The following SNED1 variants were observed in gnomAD, a reference collection of about 807,000 sequenced individuals.
SNED1 encodes the protein sushi, nidogen and EGF like domains 1.
In SNED1, 81 loss-of-function variants were observed where a neutral mutation model predicts 166.7. The ratio of observed to expected loss-of-function variants is 0.49; its 90% confidence interval spans 0.41 to 0.58. The LOEUF (loss-of-function observed/expected upper bound fraction) is 0.58, where lower values mean the gene tolerates loss of function less well. Among genes scored for constraint, SNED1 ranks in the 20% least tolerant of loss-of-function variants. The pLI, the probability that SNED1 is intolerant of heterozygous loss-of-function variation, is 0.00. For synonymous variants in SNED1, 762 were observed against 822.0 expected, an observed-to-expected ratio of 0.93 and a Z score of 1.25; for missense variants, 1,604 against 2,000.2, an observed-to-expected ratio of 0.80 and a Z score of 3.78.
In SNED1 at chr2:241,019,695, C is replaced by T. The variant is rs138357400; in HGVS notation, c.214-10589C>T. Among the ~76,000 whole-genome samples, 991 of 152,316 alleles carry T rather than the reference C, an allele frequency of 6.5e-3. 12 individuals are homozygous for T. The highest frequency in any genetic ancestry group is 0.021 in the African/African-American group (868 of 41,564). On this transcript the variant is annotated intron_variant, in intron 1 of 31. Transcript: ENST00000310397. ...GATCCAAGAGGCAGCGCGGTCCGAT[C>T]GGAGAGCACCCTTACCGTGGGCACC...
At chr2:241,078,499 A>T (rs1477153526) in intron 27 of SNED1, among the ~76,000 whole-genome samples, 1 of 151,880 alleles carries the variant, frequency 6.6e-6, no homozygotes, top group African/African-American at 2.4e-5. Context: ...TACAACATGG[A>T]TGAATCTTGA....
In SNED1 at chr2:241,093,430, T is replaced by C. The variant is rs1181754957; in HGVS notation, c.*1794T>C. ...TCAAGCCCCTCAGCCACACAGCAAATGCTAATATGCTCCAGTGTTAGCTTA... is the reference window on the plus strand; with the variant it reads ...TCAAGCCCCTCAGCCACACAGCAAACGCTAATATGCTCCAGTGTTAGCTTA... On this transcript the variant is annotated 3_prime_UTR_variant, in exon 32 of 32. Coordinates refer to ENST00000310397, the MANE Select transcript of SNED1 (RefSeq NM_001080437.3). 1 of 151,756 alleles carries C rather than the reference T, an allele frequency of 6.6e-6. No homozygotes were observed. Among genetic ancestry groups the C allele is most frequent in the African/African-American group, 2.5e-5 (1 of 40,786 alleles). 9.4% of individuals were successfully genotyped at this position (151,756 alleles called of 1,614,324 possible). A position where few individuals can be genotyped will look rare whatever the true frequency, so the allele number is the denominator to read the frequency against.
chr2:241,085,071 A>C (rs1462116659), intron 29 of SNED1, among the ~76,000 whole-genome samples: 1 of 151,248 alleles, frequency 6.6e-6, no homozygotes, highest in Non-Finnish European at 1.5e-5. Context: ...GTTTTTGGAC[A>C]ATTTAATTAT....
chr2:241,006,971 G>A (rs1026566844), intron 1 of SNED1, among the ~76,000 whole-genome samples: 1 of 152,178 alleles, frequency 6.6e-6, no homozygotes, highest in Non-Finnish European at 1.5e-5. Context: ...GGCAGTGTTT[G>A]GGACAATTGG....
rs115670411 is a variant in SNED1, at chr2:241,081,714, C to T, written c.3954C>T (p.Asn1318=). 6,492 of 1,609,464 alleles carry T rather than the reference C, an allele frequency of 4.0e-3. 18 individuals carry two copies. The highest frequency in any genetic ancestry group is 7.0e-3 in the Admixed American group (418 of 59,454). ...PGNCSENPCQ[N]GGTCVPGADA... Reference sequence around the variant, plus strand: ...ACTGTTCAGAAAACCCCTGTCAGAACGGAGGCACTTGTGTGCCGGGCGCAG... The same window carrying T: ...ACTGTTCAGAAAACCCCTGTCAGAATGGAGGCACTTGTGTGCCGGGCGCAG... The change falls in exon 28 of 32, where the codon AAC becomes AAT. Residue 1318 remains asparagine, a synonymous_variant. Transcript: ENST00000310397.
intron 1 of SNED1, among the ~76,000 whole-genome samples, chr2:241,000,665 A>G (rs1271725059): frequency 3.3e-5 from 5 of 152,266 alleles, no homozygotes; most frequent in Admixed American, 3.3e-4. Flanking sequence ...TGCCCTTGCC[A>G]GAGCAACTAG....
rs1575161901 is a variant in SNED1, at chr2:241,091,178, C to T, written c.*2-460C>T. ...TATTCTTGAAATAATGGAGACAACA[C>T]ACAAAAAAGCAGGAAACAGAAACAC... On this transcript the variant is annotated intron_variant, in intron 31 of 31. Coordinates refer to ENST00000310397, the MANE Select transcript of SNED1 (RefSeq NM_001080437.3). This position sits in a 1 kb window ranked among gnomAD's most constrained non-coding sequence, Gnocchi z 4.1. Among the ~76,000 whole-genome samples, 3 of 152,226 alleles carry T rather than the reference C, an allele frequency of 2.0e-5. No individual in the cohort carries two copies. Among genetic ancestry groups the T allele is most frequent in the Admixed American group, 6.5e-5 (1 of 15,288 alleles).
At chr2:241,048,191 G>C in intron 8 of SNED1, 124 bp from the exon 9 acceptor site, 4 of 1,182,004 alleles carry the variant, frequency 3.4e-6, no homozygotes, top group Non-Finnish European at 4.6e-6. Flanking sequence ...TAAGCTTCTG[G>C]CTTAAATTCC....
rs1295994936 is a variant in SNED1 at position 241,013,995 on chromosome 2, G to A, written c.213+14945G>A. Among the ~76,000 whole-genome samples, 2 of 151,648 alleles carry A rather than the reference G, an allele frequency of 1.3e-5. No individual in the cohort carries two copies. Among genetic ancestry groups the A allele is most frequent in the African/African-American group, 4.8e-5 (2 of 41,260 alleles). On this transcript the variant is annotated intron_variant, in intron 1 of 31. Transcript: ENST00000310397. The surrounding 1 kb of genome is among the most constrained non-coding windows in gnomAD (Gnocchi z 4.6). Reference sequence around the variant, plus strand: ...TTAGGTGGGGCTGTTCCTAGCTTTAGACTACTCTTTTTTCTTTTCTTTTTT... The same window carrying A: ...TTAGGTGGGGCTGTTCCTAGCTTTAAACTACTCTTTTTTCTTTTCTTTTTT...
chr2:241,016,821 C>T (rs1347135536), intron 1 of SNED1, among the ~76,000 whole-genome samples: 1 of 149,254 alleles, frequency 6.7e-6, no homozygotes, highest in African/African-American at 2.5e-5. Flanking sequence ...TTTCCACTTA[C>T]ATTTGATAAG....
chr2:241,056,704 C>A (rs1185361602), intron 16 of SNED1, among the ~76,000 whole-genome samples: 1 of 151,546 alleles, frequency 6.6e-6, no homozygotes, highest in East Asian at 1.9e-4. Context: ...CCTCAGCCTC[C>A]CGAGTAGCTG....
chr2:241,074,903 C>G (rs558234356), intron 27 of SNED1: 4 of 152,250 alleles, frequency 2.6e-5, no homozygotes, highest in African/African-American at 9.6e-5. Context: ...AACTTTGTGC[C>G]TAGAATTCCT....
At chr2:241,077,964 G>C (rs6437233) in intron 27 of SNED1, among the ~76,000 whole-genome samples, 81,987 of 152,048 alleles carry the variant, frequency 0.54, 24,609 homozygotes, top group African/African-American at 0.82. Flanking sequence ...CCCAGTAATT[G>C]CACTCCTAGG....
chr2:241,021,789 G>A (rs910695332), intron 1 of SNED1, among the ~76,000 whole-genome samples: 5 of 152,182 alleles, frequency 3.3e-5, no homozygotes, highest in African/African-American at 1.2e-4. Flanking sequence ...ATATATGGTA[G>A]TATAAGTGGA....
intron 1 of SNED1, among the ~76,000 whole-genome samples, chr2:241,020,891 C>T (rs1290369890): frequency 1.3e-5 from 2 of 152,164 alleles, no homozygotes; most frequent in African/African-American, 4.8e-5. Flanking sequence ...CTCTGCATGC[C>T]ACAGTCCCTG....
rs1187465760 is a variant in SNED1, at chr2:241,036,811, G to A, written c.827G>A (p.Arg276His). 7.5e-6 allele frequency: 12 copies of A among 1,609,422 alleles called. No individual in the cohort carries two copies. Among genetic ancestry groups the A allele is most frequent in the South Asian group, 4.4e-5 (4 of 91,062 alleles). Residue 276 changes from arginine (R) to histidine (H), a missense_variant, in exon 5 of 32, where the codon CGC becomes CAC. Coordinates refer to ENST00000310397, the MANE Select transcript of SNED1 (RefSeq NM_001080437.3). ...GHTTSVCLALRPCLNGGKCID... is the reference protein window; with the variant it reads ...GHTTSVCLALHPCLNGGKCID... ...GCAGCGTCCGTGTGCCTGGCCCTGC[G>A]CCCCTGCCTCAACGGCGGCAAGTGC...
chr2:241,041,034 G>A lies in SNED1; in HGVS notation c.1273+621G>A, dbSNP rs115198890. The A allele has an allele frequency of 4.0e-3, 1,444 of 362,396 alleles. 17 individuals carry two copies. The highest frequency in any genetic ancestry group is 0.03 in the African/African-American group (1,367 of 45,624). 22.4% of individuals were successfully genotyped at this position (362,396 alleles called of 1,614,324 possible). The stretch of plus-strand genomic sequence containing the variant: ...ACGCACCAGGTGCTGCTTCTCTCCA[G>A]GGAGATGCTAAAGACAAACTATTCA... On this transcript the variant is annotated intron_variant, in intron 8 of 31. Transcript: ENST00000310397.
chr2:241,026,110 G>T (rs984473073), intron 1 of SNED1, among the ~76,000 whole-genome samples: 1 of 135,740 alleles, frequency 7.4e-6, no homozygotes, highest in African/African-American at 2.8e-5. Flanking sequence ...CCGCCTCCCG[G>T]GTTCAAGCAA....
At chr2:241,076,092 T>C (rs1309094075) in intron 27 of SNED1, among the ~76,000 whole-genome samples, 1 of 152,220 alleles carries the variant, frequency 6.6e-6, no homozygotes, top group Non-Finnish European at 1.5e-5. Flanking sequence ...TCCTTTACTC[T>C]TCATCTTCAG....
Sources: gnomAD v4.1 joint callset for allele counts (sites outside exome capture counted in the v4.1 genomes callset) on GRCh38, gnomAD v4.1.1 for gene constraint, Gnocchi (gnomAD v3.1) non-coding constraint, MANE v1.5 for transcripts, NCBI Gene and HGNC (gene_info 2026-07-23, HGNC 2026-07-21) for gene names.